The following CCSER1 variants were observed in gnomAD, a reference collection of about 807,000 sequenced individuals.
CCSER1 encodes the protein serine-rich coiled-coil domain-containing protein 1.
CCSER1 carries 41 observed loss-of-function variants against 82.0 expected under a neutral mutation model. The ratio of observed to expected loss-of-function variants is 0.50; its 90% confidence interval spans 0.39 to 0.65. The LOEUF (loss-of-function observed/expected upper bound fraction) is 0.65. Among genes scored for constraint, CCSER1 ranks in the 30% least tolerant of loss-of-function variants. The pLI, the probability that CCSER1 is intolerant of heterozygous loss-of-function variation, is 0.00. For synonymous variants in CCSER1, 414 were observed against 383.9 expected (o/e 1.08, Z -0.92); for missense variants, 1,119 against 1,064.2 (o/e 1.05, Z -0.72).
intron 8 of CCSER1, among the ~76,000 whole-genome samples, chr4:90,843,043 A>G (rs1762769505): frequency 6.6e-6 from 1 of 152,236 alleles, no homozygotes; most frequent in Admixed American, 6.5e-5. Flanking sequence ...AAGAGTCAGC[A>G]CAGGTTAATA....
At chr4:90,246,212 G>T (rs1040103969) in intron 1 of CCSER1, among the ~76,000 whole-genome samples, 1 of 152,068 alleles carries the variant, frequency 6.6e-6, no homozygotes, top group African/African-American at 2.4e-5. Context: ...ATGTGTATGT[G>T]TGTGTGTGTA....
intron 6 of CCSER1, among the ~76,000 whole-genome samples, chr4:90,713,273 G>T (rs1456506507): frequency 6.6e-6 from 1 of 151,968 alleles, no homozygotes; most frequent in African/African-American, 2.4e-5. Flanking sequence ...TTTTGTAGTG[G>T]CTGGTAACAG....
chr4:90,842,025 C>T (rs1561231014), intron 8 of CCSER1, among the ~76,000 whole-genome samples: 2 of 103,194 alleles, frequency 1.9e-5, no homozygotes, highest in African/African-American at 6.3e-5. Flanking sequence ...ACTGATTTCT[C>T]TGTTTTTTTT....
At chr4:91,143,955 G>T (rs1442414375) in intron 10 of CCSER1, among the ~76,000 whole-genome samples, 1 of 151,782 alleles carries the variant, frequency 6.6e-6, no homozygotes, top group Non-Finnish European at 1.5e-5. Flanking sequence ...TTGTGTCTTT[G>T]TCAGATTTTG....
chr4:91,109,740 C>A (rs919710713), intron 10 of CCSER1, among the ~76,000 whole-genome samples: 16 of 151,956 alleles, frequency 1.1e-4, no homozygotes, highest in Non-Finnish European at 1.5e-4. Flanking sequence ...AATATAGTAA[C>A]TTCAATATTC....
chr4:90,781,259 T>TG, intron 7 of CCSER1: 1 of 984,574 alleles, frequency 1.0e-6, no homozygotes. Context: ...AGAAAGAGTA[T>TG]GCACCATAAC....
intron 3 of CCSER1, among the ~76,000 whole-genome samples, chr4:90,351,272 G>A (rs188826498): frequency 8.1e-4 from 123 of 152,236 alleles, no homozygotes; most frequent in African/African-American, 2.7e-3. Context: ...TCTAATCAGC[G>A]GGCAAAGATA....
At chr4:90,807,256 G>A (rs11946210) in intron 7 of CCSER1, among the ~76,000 whole-genome samples, 93,509 of 151,936 alleles carry the variant, frequency 0.62, 29,125 homozygotes, top group African/African-American at 0.71. Context: ...CCTTTGCAAT[G>A]TAGAGCAGGT....
chr4:90,374,788 A>G (rs1748030874), intron 3 of CCSER1, among the ~76,000 whole-genome samples: 1 of 152,114 alleles, frequency 6.6e-6, no homozygotes, highest in Admixed American at 6.6e-5. Context: ...ACCTTTATGG[A>G]CCTTGCAACT....
rs529021447 is a variant in CCSER1, at chr4:91,251,016, T to C, written c.2217+165022T>C. ...AGCATTTTACACATAGATTTGCTCC[T>C]TTTACTTTCCCAACAAACCTCTGAA... On this transcript the variant is annotated intron_variant, in intron 10 of 10. Coordinates refer to ENST00000509176, the MANE Select transcript of CCSER1 (RefSeq NM_001145065.2). 2.0e-5 allele frequency among the ~76,000 whole-genome samples: 3 copies of C among 152,256 alleles called. No individual in the cohort carries two copies. In the East Asian group the frequency reaches 5.8e-4, roughly 29 times the overall value.
At chr4:91,156,195 G>A (rs1320951226) in intron 10 of CCSER1, among the ~76,000 whole-genome samples, 2 of 151,612 alleles carry the variant, frequency 1.3e-5, no homozygotes, top group Admixed American at 1.3e-4. Context: ...ATCTACTATT[G>A]TATGTACTTG....
intron 10 of CCSER1, among the ~76,000 whole-genome samples, chr4:91,392,972 T>G (rs1206329349): frequency 1.3e-5 from 2 of 151,922 alleles, no homozygotes; most frequent in Non-Finnish European, 2.9e-5. Flanking sequence ...AGGGCTGAGG[T>G]GGTGTATTTT....
chr4:91,081,296 A>G (rs1452935700), intron 9 of CCSER1, among the ~76,000 whole-genome samples: 1 of 152,218 alleles, frequency 6.6e-6, no homozygotes, highest in Non-Finnish European at 1.5e-5. Context: ...AAACAGAACC[A>G]AAGACAAAAA....
chr4:91,203,653 A>G (rs2149071988), intron 10 of CCSER1, among the ~76,000 whole-genome samples: 1 of 152,018 alleles, frequency 6.6e-6, no homozygotes, highest in Middle Eastern at 3.4e-3. Flanking sequence ...CTATGTTAAA[A>G]AAAAACAGGG....
At chr4:90,181,810 G>C (rs1733782237) in intron 1 of CCSER1, among the ~76,000 whole-genome samples, 2 of 152,306 alleles carry the variant, frequency 1.3e-5, no homozygotes, top group South Asian at 4.1e-4. Flanking sequence ...CACTCAGCTG[G>C]TGAGTCAGCT....
intron 10 of CCSER1, among the ~76,000 whole-genome samples, chr4:91,104,775 C>A (rs1485250976): frequency 6.6e-6 from 1 of 152,158 alleles, no homozygotes; most frequent in Non-Finnish European, 1.5e-5. Flanking sequence ...CAGATGACCA[C>A]CTTCTTGCTG....
intron 10 of CCSER1, among the ~76,000 whole-genome samples, chr4:91,345,703 T>A (rs2149292779): frequency 6.6e-6 from 1 of 152,298 alleles, no homozygotes; most frequent in South Asian, 2.1e-4. Flanking sequence ...AACTCCATAA[T>A]TTATATTAAG....
At chr4:91,465,213 C>T (rs975535992) in intron 10 of CCSER1, among the ~76,000 whole-genome samples, 1 of 152,002 alleles carries the variant, frequency 6.6e-6, no homozygotes, top group Non-Finnish European at 1.5e-5. Flanking sequence ...ACTCAAAACC[C>T]CTCAACAACA....
intron 1 of CCSER1, among the ~76,000 whole-genome samples, chr4:90,164,994 T>C (rs771425780): frequency 6.6e-6 from 1 of 152,114 alleles, no homozygotes; most frequent in Non-Finnish European, 1.5e-5. Flanking sequence ...AAAAGACATA[T>C]AGATATTTCA....
Sources: allele counts gnomAD v4.1 joint callset (sites outside exome capture counted in the v4.1 genomes callset), GRCh38; gene constraint gnomAD v4.1.1; transcripts MANE v1.5; gene names NCBI Gene and HGNC (gene_info 2026-07-23, HGNC 2026-07-21).